The following MAGI1 variants were observed in gnomAD, a reference collection of about 807,000 sequenced individuals.
The protein encoded by MAGI1 is membrane associated guanylate kinase, WW and PDZ domain containing 1.
In MAGI1, 58 loss-of-function variants were observed where a neutral mutation model predicts 139.9. The observed-to-expected ratio is 0.41, with a 90% CI of 0.34 to 0.52. The LOEUF (loss-of-function observed/expected upper bound fraction) is 0.52, where lower values mean the gene tolerates loss of function less well. Ranked by LOEUF, MAGI1 falls within the 20% of genes least tolerant of loss-of-function variation. The pLI, the probability that MAGI1 is intolerant of heterozygous loss-of-function variation, is 0.12. For synonymous variants in MAGI1, 812 were observed against 737.9 expected, an observed-to-expected ratio of 1.10 and a Z score of -1.63; for missense variants, 1,874 against 1,901.6, an observed-to-expected ratio of 0.99 and a Z score of 0.27.
chr3:65,547,255 C>T lies in MAGI1; in HGVS notation c.431-53624G>A, dbSNP rs538899326. 1.3e-4 allele frequency among the ~76,000 whole-genome samples: 20 copies of T among 152,314 alleles called. No individual in the cohort carries two copies. In the South Asian group the frequency reaches 4.1e-3, roughly 32 times the overall value. ...CTCTTACAGTGGCTTAGATACTTTG[C>T]CACGTTAATTCAACCCCTAAGCGAT... On this transcript the variant is annotated intron_variant, in intron 2 of 22. Coordinates refer to ENST00000402939, the MANE Select transcript of MAGI1 (RefSeq NM_001033057.2).
chr3:65,934,159 T>A (rs1318815761), intron 1 of MAGI1, among the ~76,000 whole-genome samples: 1 of 151,718 alleles, frequency 6.6e-6, no homozygotes, highest in Admixed American at 6.6e-5. Flanking sequence ...TCCCTATTCC[T>A]TCAAAGAGGT....
intron 8 of MAGI1, among the ~76,000 whole-genome samples, chr3:65,441,308 T>C (rs1177093199): frequency 6.6e-6 from 1 of 152,196 alleles, no homozygotes; most frequent in Non-Finnish European, 1.5e-5. Context: ...TTTAGGAGCA[T>C]AGTATTGTGA....
At chr3:65,852,268 T>C (rs550300256) in intron 1 of MAGI1, among the ~76,000 whole-genome samples, 4 of 152,326 alleles carry the variant, frequency 2.6e-5, no homozygotes, top group South Asian at 4.1e-4. Flanking sequence ...GGAAGTAGCA[T>C]TGCTGTCTAG....
chr3:65,761,010 G>A (rs904552788), intron 1 of MAGI1, among the ~76,000 whole-genome samples: 4 of 152,078 alleles, frequency 2.6e-5, no homozygotes, highest in Non-Finnish European at 1.5e-5. Flanking sequence ...GCCCATAGAC[G>A]GATAGGTACC....
At chr3:65,478,976 A>C (rs12631449) in intron 3 of MAGI1, among the ~76,000 whole-genome samples, 178 bp from the exon 4 acceptor site, 47,210 of 152,080 alleles carry the variant, frequency 0.31, 9,056 homozygotes, top group East Asian at 0.73. Context: ...CCAGCTAGAC[A>C]CAGTAATTTC....
At chr3:65,428,440 G>A (rs1015986508) in intron 12 of MAGI1, among the ~76,000 whole-genome samples, 1 of 152,160 alleles carries the variant, frequency 6.6e-6, no homozygotes, top group African/African-American at 2.4e-5. Context: ...GACTCAAGGA[G>A]AAAGGAGGAA....
chr3:65,577,855 G>C (rs2081241538), intron 2 of MAGI1, among the ~76,000 whole-genome samples: 1 of 152,206 alleles, frequency 6.6e-6, no homozygotes, highest in African/African-American at 2.4e-5. Context: ...CCCTGGCTCA[G>C]GCACAGACTC....
chr3:65,493,077 C>CAAAAAA (rs11412426), intron 3 of MAGI1, among the ~76,000 whole-genome samples: 1 of 110,250 alleles, frequency 9.1e-6, no homozygotes. Flanking sequence ...GACTCCGTCT[C>CAAAAAA]AAAAAAAAAA....
intron 1 of MAGI1, among the ~76,000 whole-genome samples, chr3:65,674,794 A>G (rs954270309): frequency 6.6e-6 from 1 of 152,194 alleles, no homozygotes; most frequent in Admixed American, 6.5e-5. Flanking sequence ...AATTTGTACT[A>G]CAGCAAAAGC....
At chr3:65,638,413 T>C (rs1028272563) in intron 1 of MAGI1, among the ~76,000 whole-genome samples, 4 of 151,870 alleles carry the variant, frequency 2.6e-5, no homozygotes, top group Non-Finnish European at 5.9e-5. Context: ...AGCCTTTCCA[T>C]ATCTCCAGAC....
At chr3:65,916,071 C>A (rs2061889220) in intron 1 of MAGI1, among the ~76,000 whole-genome samples, 1 of 118,494 alleles carries the variant, frequency 8.4e-6, no homozygotes, top group Non-Finnish European at 1.8e-5. Flanking sequence ...CTATTTCTTT[C>A]TTTTCTTTTT....
intron 1 of MAGI1, among the ~76,000 whole-genome samples, chr3:65,953,302 A>G (rs1426577702): frequency 6.6e-6 from 1 of 152,188 alleles, no homozygotes; most frequent in Non-Finnish European, 1.5e-5. Context: ...ACGAAACCAA[A>G]GGCCTTCATG....
intron 3 of MAGI1, among the ~76,000 whole-genome samples, chr3:65,488,694 G>A (rs1652530797): frequency 6.7e-6 from 1 of 149,684 alleles, no homozygotes; most frequent in Non-Finnish European, 1.5e-5. Context: ...ATATTACACA[G>A]AGTCTTGCTC....
chr3:65,987,463 G>C (rs990195458), intron 1 of MAGI1, among the ~76,000 whole-genome samples: 1 of 152,178 alleles, frequency 6.6e-6, no homozygotes, highest in East Asian at 1.9e-4. Context: ...TTAGAGGTGG[G>C]AGGCCAGGGT....
chr3:65,359,431 G>A, intron 22 of MAGI1: 1 of 1,196,626 alleles, frequency 8.4e-7, no homozygotes, highest in Non-Finnish European at 1.0e-6. Context: ...GTTTTGTTTT[G>A]TTTTGTTTTT....
chr3:65,364,938 T>G lies in MAGI1; in HGVS notation c.3205A>C (p.Asn1069His), dbSNP rs1941265584. The G allele has an allele frequency of 6.2e-7, 1 of 1,613,696 alleles. No individual in the cohort carries two copies. Among genetic ancestry groups the G allele is most frequent in the African/African-American group, 1.3e-5 (1 of 74,872 alleles). Residue 1069 changes from asparagine to histidine, a missense_variant, in exon 19 of 23, where the codon AAT (asparagine) becomes CAT (histidine). By Grantham distance (68) the Asn-to-His change is moderately conservative. Around this residue, in one of 5 missense-constraint regions of MAGI1, gnomAD observed 653 missense variants for 644.5 expected, o/e 1.01. Coordinates refer to ENST00000402939, the MANE Select transcript of MAGI1 (RefSeq NM_001033057.2). ...LRIIPGDESSNATLLTNAEKI... is the reference protein window; with the variant it reads ...LRIIPGDESSHATLLTNAEKI... ...TCTGCATTGGTCAGCAAGGTGGCAT[T>G]CGAGGACTCTGCAAAGAGGGACAGA...
At chr3:65,436,226 TTATC>T (rs1395979636) in intron 10 of MAGI1, among the ~76,000 whole-genome samples, 2 of 151,904 alleles carry the variant, frequency 1.3e-5, no homozygotes, top group African/African-American at 4.9e-5. Flanking sequence ...ATTATTCTAC[TTATC>T]TTTTTATATG....
rs1203594175 is a variant in MAGI1, at chr3:65,437,235, T to C, written c.1283A>G (p.Asp428Gly). 2 of 1,607,498 alleles carry C rather than the reference T, an allele frequency of 1.2e-6. No homozygotes were observed. Among genetic ancestry groups the C allele is most frequent in the Admixed American group, 1.7e-5 (1 of 59,840 alleles). Residue 428 changes from aspartate (D) to glycine (G), a missense_variant, in exon 10 of 23, where the codon GAT (aspartate) becomes GGT (glycine). Physicochemically the swap from Asp to Gly is moderately conservative, Grantham distance 94. Transcript: ENST00000402939. ...AACAGGAGGCACAAGGGCTGAGTGA[T>C]CTTCTGTCCATTCTATGAAAAAGAA... ...QQQQTEEWTE[D>G]HSALVPPVIP...
chr3:65,729,765 T>A (rs1203253811), intron 1 of MAGI1, among the ~76,000 whole-genome samples: 1 of 152,208 alleles, frequency 6.6e-6, no homozygotes. Context: ...CCCAAGAGAA[T>A]CTCTGAATTT....
Sources: gnomAD v4.1 joint callset for allele counts (sites outside exome capture counted in the v4.1 genomes callset) on GRCh38, gnomAD v4.1.1 for gene constraint, gnomAD v4.1.1 regional missense constraint, MANE v1.5 for transcripts, NCBI Gene and HGNC (gene_info 2026-07-23, HGNC 2026-07-21) for gene names.